SMUG1: variants seen among roughly 807,000 people sequenced by gnomAD.
SMUG1 encodes single-strand-selective monofunctional uracil-DNA glycosylase 1, also known as single-strand selective monofunctional uracil DNA glycosylase.
SMUG1 carries 13 observed loss-of-function variants against 23.9 expected under a neutral mutation model. That is an observed-to-expected ratio of 0.54 (90% confidence interval 0.35 to 0.86). The LOEUF is 0.86. SMUG1 is among the 40% of genes least tolerant of loss of function. The probability of loss-of-function intolerance (pLI) is 0.01; values close to 1 mark genes in which losing one functional copy is unlikely to be tolerated. For synonymous variants in SMUG1, 133 were observed against 139.8 expected, an observed-to-expected ratio of 0.95 and a Z score of 0.34; for missense variants, 313 against 339.5, an observed-to-expected ratio of 0.92 and a Z score of 0.61.
intron 3 of SMUG1, among the ~76,000 whole-genome samples, chr12:54,167,735 G>A (rs1283128524): frequency 2.6e-5 from 4 of 152,034 alleles, no homozygotes; most frequent in Admixed American, 1.3e-4. Flanking sequence ...TCCCTTTATC[G>A]TTCAAGGAAT....
downstream of SMUG1, among the ~76,000 whole-genome samples, chr12:54,179,538 A>T (rs540039577): frequency 6.6e-6 from 1 of 152,290 alleles, no homozygotes; most frequent in South Asian, 2.1e-4. Context: ...CTGACAGCAA[A>T]AAGAGAAGGA....
downstream of SMUG1, among the ~76,000 whole-genome samples, chr12:54,179,412 T>C (rs1257138992): frequency 1.3e-5 from 2 of 152,176 alleles, no homozygotes; most frequent in Admixed American, 1.3e-4. Flanking sequence ...CAGAGAGCTT[T>C]CCATTATATA....
In SMUG1 at chr12:54,171,061, T is replaced by C. The variant is rs116399640; in HGVS notation, c.*52+964A>G. ...CCCATGCTGGAGTGCAGAGTCGTGA[T>C]CTTGGCTCACTGCTGCAACCTCCGC... On this transcript the variant is annotated intron_variant and NMD_transcript_variant, in intron 3 of 4. Transcript: ENST00000509864. Among the ~76,000 whole-genome samples, 1,326 of 151,656 alleles carry C rather than the reference T, an allele frequency of 8.7e-3. 20 individuals carry two copies. Among genetic ancestry groups the C allele is most frequent in the African/African-American group, 0.031 (1,271 of 41,274 alleles).
intron 3 of SMUG1, chr12:54,183,181 G>C: frequency 4.7e-6 from 1 of 213,836 alleles, no homozygotes; most frequent in Non-Finnish European, 9.1e-6. Context: ...CCTGAGCCCT[G>C]AAAGAAAAGC....
chr12:54,187,120 C>T (rs1388518976), intron 2 of SMUG1: 2 of 152,250 alleles, frequency 1.3e-5, no homozygotes, highest in Non-Finnish European at 2.9e-5. Flanking sequence ...GCCCACTTTG[C>T]ACTCTGCTTG....
chr12:54,182,939 C>G (rs1313112723), intron 3 of SMUG1: 2 of 313,698 alleles, frequency 6.4e-6, no homozygotes, highest in Non-Finnish European at 1.2e-5. Flanking sequence ...TGGGGACAGA[C>G]AGATGGTCTG....
At chr12:54,186,864 T>C (rs551529099) in intron 2 of SMUG1, 2 of 152,408 alleles carry the variant, frequency 1.3e-5, no homozygotes, top group African/African-American at 4.8e-5. Context: ...GCAATGTCCA[T>C]CTTCTTTTTC....
chr12:54,182,441 G>A lies in SMUG1; in HGVS notation c.468C>T (p.Phe156=). 6.2e-7 allele frequency: 1 copy of A among 1,614,178 alleles called. No individual in the cohort carries two copies. Among genetic ancestry groups the A allele is most frequent in the Non-Finnish European group, 8.5e-7 (1 of 1,180,040 alleles). ...RNLCGQPEVF[F]HHCFVHNLCP... ...ATAGATTGTGGACAAAACAGTGATG[G>A]AAGAAGACCTCAGGCTGTCCACAGA... Residue 156 remains phenylalanine, a synonymous_variant, in exon 4 of 4, where the codon TTC becomes TTT. Coordinates refer to ENST00000682136, the MANE Select transcript of SMUG1 (RefSeq NM_001243787.2).
chr12:54,176,492 GAGA>G (rs1565805403), downstream of SMUG1, among the ~76,000 whole-genome samples: 2 of 103,844 alleles, frequency 1.9e-5, no homozygotes, highest in Admixed American at 1.1e-4. Flanking sequence ...GCCTGGGAAA[GAGA>G]AGAAGATCCT....
rs574000228 is a variant in SMUG1, at chr12:54,166,821, C to T, written c.*53-1343G>A. On this transcript the variant is annotated intron_variant and NMD_transcript_variant, in intron 3 of 4. Coordinates refer to the SMUG1 transcript ENST00000509864. ...AGAGATGGATCCTTGTCAGGGAAAA[C>T]CCCAGACTTGCAAGCCAGACTCCTC... is the stretch of plus-strand genomic sequence containing the variant. Among the ~76,000 whole-genome samples the T allele has an allele frequency of 2.0e-5, 3 of 152,220 alleles. No individual in the cohort carries two copies. The East Asian group carries it at 5.8e-4, about 29-fold the overall frequency.
At position 54,182,368 on chromosome 12, in the gene SMUG1, C is replaced by T; in HGVS notation, c.541G>A (p.Glu181Lys). 1 of 1,614,146 alleles carries T rather than the reference C, an allele frequency of 6.2e-7. No homozygotes were observed. Among genetic ancestry groups the T allele is most frequent in the East Asian group, 2.2e-5 (1 of 44,864 alleles). The stretch of plus-strand genomic sequence containing the variant: ...TGTTCTCGCTGCTTGGCAGGCAGCT[C>T]AGCAGGAGTAAGGTTGCGCCCGCTG... ...APSGRNLTPA[E>K]LPAKQREQLL... is the part of the protein sequence containing the mutation. Residue 181 changes from glutamate to lysine, a missense_variant, in exon 4 of 4, where the codon GAG (glutamate) becomes AAG (lysine). Physicochemically the swap from Glu to Lys is moderately conservative, Grantham distance 56. Coordinates refer to ENST00000682136, the MANE Select transcript of SMUG1 (RefSeq NM_001243787.2).
downstream of SMUG1, chr12:54,164,403 A>G (rs1940374273): frequency 6.6e-6 from 1 of 152,660 alleles, no homozygotes; most frequent in African/African-American, 2.4e-5. Context: ...GGAGAAAAAA[A>G]AGAAGGAAAG....
At chr12:54,166,894 A>C (rs1415798399) in intron 3 of SMUG1, among the ~76,000 whole-genome samples, 2 of 152,168 alleles carry the variant, frequency 1.3e-5, no homozygotes, top group African/African-American at 4.8e-5. Flanking sequence ...CCAGCCAAAA[A>C]ATAGTCTCCA....
At chr12:54,170,198 TA>T (rs34662291) in intron 3 of SMUG1, among the ~76,000 whole-genome samples, 2,174 of 135,538 alleles carry the variant, frequency 0.016, 16 homozygotes, top group African/African-American at 0.036. Flanking sequence ...AACTCTGTCT[TA>T]AAAAAAAAAA....
intron 2 of SMUG1, among the ~76,000 whole-genome samples, chr12:54,186,094 C>G (rs542082696): frequency 3.3e-5 from 5 of 152,276 alleles, no homozygotes; most frequent in Admixed American, 3.3e-4. Context: ...TTTCTACAGT[C>G]CAACCAAATA....
chr12:54,182,775 C>T (rs1941412929), intron 3 of SMUG1, 152 bp from the exon 4 acceptor site: 1 of 1,406,756 alleles, frequency 7.1e-7, no homozygotes, highest in African/African-American at 1.4e-5. Context: ...GGATTCTTGG[C>T]CCTATGGTTT....
At chr12:54,185,539 G>A (rs577955600) in intron 2 of SMUG1, among the ~76,000 whole-genome samples, 2 of 147,860 alleles carry the variant, frequency 1.4e-5, no homozygotes, top group Non-Finnish European at 3.0e-5. Flanking sequence ...TTTGCCGGGC[G>A]CAACAGCTCA....
Position 54,171,511 on chromosome 12 carries a change from G to A in SMUG1, c.*52+514C>T, listed in dbSNP as rs190342893. ...ATGAGACTATCCTGGCCAACATGGT[G>A]AAACCCCGTCTCTACTAAAAATACA... On this transcript the variant is annotated intron_variant and NMD_transcript_variant, in intron 3 of 4. Transcript: ENST00000509864. Among the ~76,000 whole-genome samples the A allele has an allele frequency of 3.0e-3, 461 of 151,464 alleles. 4 individuals carry two copies. The highest frequency in any genetic ancestry group is 0.011 in the African/African-American group (445 of 41,382).
chr12:54,182,691 T>A lies in SMUG1; in HGVS notation c.286-68A>T, dbSNP rs369292276. On this transcript the variant is annotated intron_variant, in intron 3 of 3. Coordinates refer to ENST00000682136, the MANE Select transcript of SMUG1 (RefSeq NM_001243787.2). The stretch of plus-strand genomic sequence containing the variant: ...CCTGAGGCCCGGGCTCTGGACCAAC[T>A]GACTTCTTTATACCTTACATGAGGA... The A allele has an allele frequency of 2.0e-5, 31 of 1,539,624 alleles. No individual in the cohort carries two copies. In the East Asian group the frequency reaches 7.0e-4, roughly 35 times the overall value.
Sources: allele counts gnomAD v4.1 joint callset (sites outside exome capture counted in the v4.1 genomes callset), GRCh38; gene constraint gnomAD v4.1.1; transcripts MANE v1.5; gene names NCBI Gene and HGNC (gene_info 2026-07-23, HGNC 2026-07-21).